PTPRD: variants seen among roughly 807,000 people sequenced by gnomAD.
The protein encoded by PTPRD is protein tyrosine phosphatase receptor type D, also known as receptor-type tyrosine-protein phosphatase delta.
Under a neutral mutation model 214.5 loss-of-function variants are expected in PTPRD, and 34 were observed. The observed-to-expected ratio is 0.16, with a 90% confidence interval of 0.12 to 0.21. The LOEUF (loss-of-function observed/expected upper bound fraction) is 0.21. Ranked by LOEUF, PTPRD falls within the 10% of genes least tolerant of loss-of-function variation. The pLI is 1.00. For synonymous variants in PTPRD, 1,128 were observed against 845.7 expected (o/e 1.33, Z -5.79); for missense variants, 2,545 against 2,398.7 (o/e 1.06, Z -1.27).
intron 4 of PTPRD, among the ~76,000 whole-genome samples, chr9:9,960,343 C>T (rs553215625): frequency 1.9e-4 from 29 of 152,094 alleles, no homozygotes; most frequent in East Asian, 9.7e-4. Flanking sequence ...AAACAACCCA[C>T]GTAGAATAAT....
intron 11 of PTPRD, among the ~76,000 whole-genome samples, chr9:8,759,979 T>C (rs1252465052): frequency 6.6e-6 from 1 of 152,204 alleles, no homozygotes; most frequent in East Asian, 1.9e-4. Context: ...TCTGTGTCCC[T>C]TCTCCCTACT....
chr9:10,039,631 T>C (rs1271140855), intron 3 of PTPRD, among the ~76,000 whole-genome samples: 2 of 151,982 alleles, frequency 1.3e-5, no homozygotes, highest in Non-Finnish European at 2.9e-5. Flanking sequence ...CTATCTGTGT[T>C]CTAAGGAAAG....
At chr9:8,324,028 C>A (rs2131030560) in intron 44 of PTPRD, among the ~76,000 whole-genome samples, 1 of 152,000 alleles carries the variant, frequency 6.6e-6, no homozygotes, top group African/African-American at 2.4e-5. Flanking sequence ...TAGTCAGCAG[C>A]CATCAAAATA....
chr9:8,762,903 C>A (rs925593393), intron 11 of PTPRD, among the ~76,000 whole-genome samples: 6 of 152,158 alleles, frequency 3.9e-5, no homozygotes, highest in South Asian at 2.1e-4. Context: ...GTAACTGGAA[C>A]ATGCATCGCC....
At chr9:8,624,679 A>G (rs536542779) in intron 14 of PTPRD, among the ~76,000 whole-genome samples, 1 of 151,972 alleles carries the variant, frequency 6.6e-6, no homozygotes, top group African/African-American at 2.4e-5. Flanking sequence ...ATCACCCCCA[A>G]CCCTACAGAT....
chr9:8,651,123 T>G (rs532118916), intron 12 of PTPRD, among the ~76,000 whole-genome samples: 1 of 152,212 alleles, frequency 6.6e-6, no homozygotes, highest in African/African-American at 2.4e-5. Flanking sequence ...TCCAAATTCT[T>G]TTTTAGAGTG....
chr9:9,926,634 G>C (rs1459968069), intron 5 of PTPRD, among the ~76,000 whole-genome samples: 1 of 152,106 alleles, frequency 6.6e-6, no homozygotes, highest in Non-Finnish European at 1.5e-5. Context: ...AAAATCATAA[G>C]CTTCAAATAT....
intron 3 of PTPRD, among the ~76,000 whole-genome samples, chr9:10,190,443 C>T (rs1391797407): frequency 3.6e-5 from 5 of 138,164 alleles, no homozygotes; most frequent in South Asian, 2.3e-4. Context: ...GTGGGCCAGG[C>T]GCTGTGGCTT....
intron 8 of PTPRD, among the ~76,000 whole-genome samples, chr9:9,473,394 T>G (rs907651174): frequency 7.2e-5 from 11 of 152,348 alleles, no homozygotes; most frequent in South Asian, 6.2e-4. Context: ...TTAGGTTGAT[T>G]CCATATCTTG....
chr9:9,067,210 A>G (rs569405509), intron 10 of PTPRD, among the ~76,000 whole-genome samples: 1 of 152,372 alleles, frequency 6.6e-6, no homozygotes, highest in African/African-American at 2.4e-5. Context: ...AGCCTGGGCA[A>G]TAAGAGTGAG....
intron 2 of PTPRD, among the ~76,000 whole-genome samples, chr9:10,462,645 C>A (rs952452579): frequency 6.6e-6 from 1 of 151,712 alleles, no homozygotes; most frequent in Non-Finnish European, 1.5e-5. Context: ...TCCACCAGTC[C>A]CCCTTTCTGA....
intron 9 of PTPRD, among the ~76,000 whole-genome samples, chr9:9,191,875 G>C (rs1460677388): frequency 1.3e-5 from 2 of 151,930 alleles, no homozygotes; most frequent in African/African-American, 2.4e-5. Context: ...GGAATGTTGG[G>C]GGTATTTTGT....
At chr9:9,141,861 C>A (rs182955472) in intron 10 of PTPRD, among the ~76,000 whole-genome samples, 269 of 151,934 alleles carry the variant, frequency 1.8e-3, no homozygotes, top group Middle Eastern at 7.0e-3. Context: ...ATGCTTGGGG[C>A]ATGAAGGTGG....
chr9:8,662,693 T>A (rs1353140820), intron 12 of PTPRD, among the ~76,000 whole-genome samples: 2 of 152,192 alleles, frequency 1.3e-5, no homozygotes, highest in Admixed American at 1.3e-4. Context: ...TTCCCTCAAA[T>A]CAGGACCATT....
intron 36 of PTPRD, among the ~76,000 whole-genome samples, chr9:8,390,263 G>C (rs2088986343): frequency 6.6e-6 from 1 of 152,066 alleles, no homozygotes; most frequent in African/African-American, 2.4e-5. Flanking sequence ...TCCAAACTCT[G>C]AACATCGCTT....
At chr9:9,631,826 AT>A (rs2095604256) in intron 7 of PTPRD, among the ~76,000 whole-genome samples, 1 of 152,170 alleles carries the variant, frequency 6.6e-6, no homozygotes, top group Admixed American at 6.6e-5. Context: ...AAATAACCCA[AT>A]TCAGCCACTT....
At chr9:9,081,685 T>C (rs1414371002) in intron 10 of PTPRD, among the ~76,000 whole-genome samples, 2 of 152,118 alleles carry the variant, frequency 1.3e-5, no homozygotes, top group African/African-American at 2.4e-5. Flanking sequence ...GCTCCTGTAT[T>C]GGGTGCATAT....
intron 2 of PTPRD, among the ~76,000 whole-genome samples, chr9:10,448,707 G>T (rs907732655): frequency 6.6e-6 from 1 of 151,810 alleles, no homozygotes; most frequent in Non-Finnish European, 1.5e-5. Flanking sequence ...AGTTAACTTG[G>T]CCAAGGAGCC....
intron 7 of PTPRD, among the ~76,000 whole-genome samples, chr9:9,704,438 G>A (rs185708987): frequency 6.6e-6 from 1 of 152,254 alleles, no homozygotes; most frequent in Admixed American, 6.5e-5. Context: ...AACGTTGGGT[G>A]AGAATCTGGT....
Sources: gnomAD v4.1 joint callset for allele counts (sites outside exome capture counted in the v4.1 genomes callset) on GRCh38, gnomAD v4.1.1 for gene constraint, MANE v1.5 for transcripts, NCBI Gene and HGNC (gene_info 2026-07-23, HGNC 2026-07-21) for gene names.